KIF1A: variants seen among roughly 807,000 people sequenced by gnomAD.
KIF1A encodes kinesin family member 1A.
Under a neutral mutation model 227.3 loss-of-function variants are expected in KIF1A, and 46 were observed. That is an observed-to-expected ratio of 0.20 (90% confidence interval 0.16 to 0.26). The LOEUF (loss-of-function observed/expected upper bound fraction) is 0.26, where lower values mean the gene tolerates loss of function less well. Ranked by LOEUF, KIF1A falls within the 10% of genes least tolerant of loss-of-function variation. The pLI, the probability that KIF1A is intolerant of heterozygous loss-of-function variation, is 1.00. For missense variants in KIF1A, 1,683 were observed against 2,485.9 expected (o/e 0.68, Z 6.87); for synonymous variants, 1,022 against 1,012.8 (o/e 1.01, Z -0.17).
chr2:240,740,042 C>A lies in KIF1A; in HGVS notation c.3901+16G>T. 6.4e-7 allele frequency: 1 copy of A among 1,567,830 alleles called. No individual in the cohort carries two copies. Among genetic ancestry groups the A allele is most frequent in the Non-Finnish European group, 8.7e-7 (1 of 1,155,976 alleles). ...CTCAGCCCCACCCACCAAGGCAGCC[C>A]CCACACCGCACTCACCCACGACCAG... is the stretch of plus-strand genomic sequence containing the variant. On this transcript the variant is annotated intron_variant, in intron 37 of 48. Coordinates refer to ENST00000498729, the MANE Select transcript of KIF1A (RefSeq NM_001244008.2). The surrounding 1 kb of genome is among the most constrained non-coding windows in gnomAD (Gnocchi z 6.1).
At chr2:240,733,590 G>A (rs1202563727) in intron 38 of KIF1A, among the ~76,000 whole-genome samples, 3 of 152,206 alleles carry the variant, frequency 2.0e-5, no homozygotes, top group African/African-American at 7.2e-5. Context: ...GCCACCCCTG[G>A]GCAGAGTCTT....
chr2:240,781,453 A>T (rs1344891778), intron 10 of KIF1A, among the ~76,000 whole-genome samples: 2,843 of 62,884 alleles, frequency 0.045, 407 homozygotes, highest in Non-Finnish European at 0.058. Context: ...ACACACACAC[A>T]CACACAGCTC....
At position 240,740,123 on chromosome 2, in the gene KIF1A, G is replaced by A. The variant is rs755107272; in HGVS notation, c.3836C>T (p.Thr1279Met). ...GCCTGTCTCATGCAGTAGTGTCACC[G>A]TAATCCGTCGCTGGATGCCCTGCCG... ...LLHQGIQRRITVTLLHETGSH... is the reference protein window; with the variant it reads ...LLHQGIQRRIMVTLLHETGSH... The change falls in exon 37 of 49, where the codon ACG becomes ATG. Residue 1279 changes from threonine to methionine, a missense_variant. By Grantham distance (81) the Thr-to-Met change is moderately conservative (BLOSUM62 -1). Around this residue, in one of 12 missense-constraint regions of KIF1A, gnomAD observed 759 missense variants for 1,020.2 expected, o/e 0.74. Coordinates refer to ENST00000498729, the MANE Select transcript of KIF1A (RefSeq NM_001244008.2). The surrounding 1 kb of genome is among the most constrained non-coding windows in gnomAD (Gnocchi z 6.1). 1.9e-5 allele frequency: 30 copies of A among 1,589,256 alleles called. No homozygotes were observed. Among genetic ancestry groups the A allele is most frequent in the African/African-American group, 8.1e-5 (6 of 74,294 alleles).
chr2:240,804,427 C>G (rs1398875434), intron 1 of KIF1A, among the ~76,000 whole-genome samples: 1 of 152,012 alleles, frequency 6.6e-6, no homozygotes, highest in Non-Finnish European at 1.5e-5. Flanking sequence ...GAGGACTCCT[C>G]AGAAGGAAAG....
intron 10 of KIF1A, among the ~76,000 whole-genome samples, chr2:240,779,016 A>C (rs117836028): frequency 0.018 from 2,769 of 152,048 alleles, 34 homozygotes; most frequent in South Asian, 0.034. Flanking sequence ...CCAGTTCCAC[A>C]CAGTTCCACA....
At chr2:240,729,984 T>C (rs1033482016) in intron 38 of KIF1A, among the ~76,000 whole-genome samples, 2 of 152,190 alleles carry the variant, frequency 1.3e-5, no homozygotes, top group African/African-American at 4.8e-5. Flanking sequence ...CCAGGGGAGC[T>C]GTACCCTAAA....
rs2044677108 is a variant in KIF1A at position 240,717,339 on chromosome 2, C to T, written c.*25G>A. On this transcript the variant is annotated 3_prime_UTR_variant, in exon 49 of 49. Transcript: ENST00000498729. ...TGAGGGAGGGGATGGGCTGGGCCTG[C>T]CGGCTGTCACGGGAGGGCTCAGGTT... is the stretch of plus-strand genomic sequence containing the variant. The T allele has an allele frequency of 2.5e-6, 4 of 1,606,534 alleles. No homozygotes were observed. Among genetic ancestry groups the T allele is most frequent in the African/African-American group, 2.7e-5 (2 of 74,958 alleles).
chr2:240,729,448 C>T (rs1009422263), intron 38 of KIF1A, among the ~76,000 whole-genome samples: 1 of 152,244 alleles, frequency 6.6e-6, no homozygotes, highest in Non-Finnish European at 1.5e-5. Context: ...CCAGCCCAGG[C>T]ACTCCTCATT....
intron 38 of KIF1A, among the ~76,000 whole-genome samples, chr2:240,729,071 G>A (rs992180524): frequency 1.3e-5 from 2 of 152,132 alleles, no homozygotes; most frequent in African/African-American, 4.8e-5. Flanking sequence ...CCGCTGTCTG[G>A]TACATGTCAT....
chr2:240,748,461 G>C (rs2125811512), intron 28 of KIF1A, among the ~76,000 whole-genome samples: 1 of 152,300 alleles, frequency 6.6e-6, no homozygotes, highest in East Asian at 1.9e-4. Flanking sequence ...CCACTCTCAG[G>C]AAGTGGCTGT....
chr2:240,815,078 C>CA (rs1378742419), intron 1 of KIF1A, among the ~76,000 whole-genome samples: 1 of 152,226 alleles, frequency 6.6e-6, no homozygotes, highest in African/African-American at 2.4e-5. Context: ...CCTAGAGCTG[C>CA]AGCCCTCCCA....
At position 240,790,781 on chromosome 2, in the gene KIF1A, G is replaced by A. The variant is rs1012380777; in HGVS notation, c.107-1469C>T. Among the ~76,000 whole-genome samples, 4 of 152,086 alleles carry A rather than the reference G, an allele frequency of 2.6e-5. No homozygotes were observed. The highest frequency in any genetic ancestry group is 5.9e-5 in the Non-Finnish European group (4 of 68,004). On this transcript the variant is annotated intron_variant, in intron 2 of 48. Coordinates refer to ENST00000498729, the MANE Select transcript of KIF1A (RefSeq NM_001244008.2). This position sits in a 1 kb window ranked among gnomAD's most constrained non-coding sequence, Gnocchi z 5.0. ...GGGTGATGACAAGCTAGGAACACCA[G>A]AAGCAGCCGGCAAGCCCCAGAAGCT...
rs1234100787 is a variant in KIF1A at position 240,788,663 on chromosome 2, A to G, written c.184-433T>C. Among the ~76,000 whole-genome samples the G allele has an allele frequency of 1.3e-5, 2 of 151,872 alleles. No individual in the cohort carries two copies. The highest frequency in any genetic ancestry group is 1.3e-4 in the Admixed American group (2 of 15,256). On this transcript the variant is annotated intron_variant, in intron 3 of 48. Coordinates refer to ENST00000498729, the MANE Select transcript of KIF1A (RefSeq NM_001244008.2). The surrounding 1 kb of genome is among the most constrained non-coding windows in gnomAD (Gnocchi z 6.6). ...AGTGGGGCACTTTAGGCAGGGGGAC[A>G]GGGTGATTAGCTGGGGGTCATCCTG...
chr2:240,769,830 G>A, intron 15 of KIF1A, 124 bp from the exon 16 acceptor site: 1 of 670,092 alleles, frequency 1.5e-6, no homozygotes, highest in Non-Finnish European at 2.6e-6. Flanking sequence ...GCCCGACAAG[G>A]CAACGAGGCA....
intron 27 of KIF1A, among the ~76,000 whole-genome samples, chr2:240,754,933 C>T (rs1328786924): frequency 6.6e-6 from 1 of 152,156 alleles, no homozygotes; most frequent in African/African-American, 2.4e-5. Flanking sequence ...CAACGTTTAT[C>T]GACCCAGCCC....
intron 45 of KIF1A, chr2:240,720,159 C>T (rs749987322): frequency 2.9e-4 from 121 of 416,260 alleles, no homozygotes; most frequent in South Asian, 7.3e-4. Context: ...CCAGGAACCT[C>T]GGGGCCCAGC....
chr2:240,743,335 G>C (rs1271688847), intron 33 of KIF1A, among the ~76,000 whole-genome samples: 7 of 152,206 alleles, frequency 4.6e-5, no homozygotes, highest in Non-Finnish European at 1.0e-4. Context: ...TGACAGCTGA[G>C]GGGAGATGGA....
intron 1 of KIF1A, among the ~76,000 whole-genome samples, chr2:240,801,891 A>G (rs1055718291): frequency 2.0e-5 from 3 of 152,224 alleles, no homozygotes; most frequent in South Asian, 4.1e-4. Flanking sequence ...TTTTTGTTGT[A>G]TCAGCTGGAA....
At chr2:240,818,641 C>G (rs1026261429) in intron 1 of KIF1A, 1 of 152,754 alleles carries the variant, frequency 6.5e-6, no homozygotes, top group African/African-American at 2.4e-5. Context: ...CCAACCCCCA[C>G]GTGGACCCCA....
Sources: gnomAD v4.1 joint callset for allele counts (sites outside exome capture counted in the v4.1 genomes callset) on GRCh38, gnomAD v4.1.1 for gene constraint, gnomAD v4.1.1 regional missense constraint, Gnocchi (gnomAD v3.1) non-coding constraint, MANE v1.5 for transcripts, NCBI Gene and HGNC (gene_info 2026-07-23, HGNC 2026-07-21) for gene names.